Variants in IL3RA observed in about 807,000 individuals in gnomAD.
The protein encoded by IL3RA is interleukin-3 receptor subunit alpha.
A neutral mutation model predicts 52.3 loss-of-function variants in IL3RA; 73 were observed. The ratio of observed to expected loss-of-function variants is 1.40; its 90% CI spans 1.16 to 1.70. The LOEUF (loss-of-function observed/expected upper bound fraction) is 1.70, where lower values mean the gene tolerates loss of function less well. Among genes scored for constraint, IL3RA ranks in the 40% most tolerant of loss-of-function variants. IL3RA has a pLI of 0.00. For missense variants in IL3RA, 664 were observed against 504.4 expected (o/e 1.32, Z -3.03); for synonymous variants, 260 against 194.0 (o/e 1.34, Z -2.83).
intron 6 of IL3RA, among the ~76,000 whole-genome samples, chrX:1,355,656 G>GA (rs2086654411): frequency 1.4e-5 from 2 of 142,732 alleles, no homozygotes; most frequent in Admixed American, 7.0e-5. Context: ...CCTGGGGGGC[G>GA]GAGGTGGGGG....
intron 6 of IL3RA, among the ~76,000 whole-genome samples, chrX:1,354,256 C>A (rs1276357117): frequency 7.9e-4 from 120 of 152,304 alleles, no homozygotes; most frequent in Non-Finnish European, 1.3e-3. Context: ...TAACACCGCC[C>A]AACCAGGGGT....
chrX:1,348,644 CTCTTTCTTTCTTTCTTTCTTTCTT>C (rs762100895), intron 4 of IL3RA, 99 bp downstream of exon 4: 16 of 496,904 alleles, frequency 3.2e-5, no homozygotes, highest in African/African-American at 1.1e-4. Context: ...TTTTCTTTTT[CTCTTTCTTTCTTTCTTTCTTTCTT>C]TCTTTCTTTC....
intron 2 of IL3RA, among the ~76,000 whole-genome samples, chrX:1,344,171 C>A (rs770919833): frequency 5.9e-5 from 9 of 152,070 alleles, no homozygotes; most frequent in Admixed American, 5.3e-4. Flanking sequence ...CAGTAACTCA[C>A]GTCTGTGATC....
chrX:1,337,316 A>G, intron 1 of IL3RA, among the ~76,000 whole-genome samples: 1 of 152,202 alleles, frequency 6.6e-6, no homozygotes. Context: ...CAGTTAGTCA[A>G]TGAGCTCACG....
chrX:1,344,359 G>A (rs1364041039), intron 2 of IL3RA, among the ~76,000 whole-genome samples: 1 of 151,954 alleles, frequency 6.6e-6, no homozygotes, highest in East Asian at 1.9e-4. Context: ...GCTTGAACCC[G>A]GGAGGCGGAG....
intron 4 of IL3RA, among the ~76,000 whole-genome samples, chrX:1,350,738 A>G (rs1200343622): frequency 1.3e-5 from 2 of 149,360 alleles, no homozygotes; most frequent in African/African-American, 4.9e-5. Flanking sequence ...CATCTCTACT[A>G]AAAATACAAA....
At chrX:1,352,773 G>A (rs1470905602) in intron 6 of IL3RA, among the ~76,000 whole-genome samples, 2 of 152,162 alleles carry the variant, frequency 1.3e-5, no homozygotes, top group Non-Finnish European at 2.9e-5. Context: ...CTTGTTAGAA[G>A]GGCACTAACA....
chrX:1,347,597 C>T (rs1366572838), intron 3 of IL3RA, among the ~76,000 whole-genome samples: 2 of 151,226 alleles, frequency 1.3e-5, no homozygotes, highest in Admixed American at 6.6e-5. Context: ...CTAGCCTGGG[C>T]AAGCGGAGTG....
At chrX:1,365,340 G>A (rs1460414617) in intron 9 of IL3RA, 88 bp downstream of exon 9, 7 of 462,524 alleles carry the variant, frequency 1.5e-5, no homozygotes, top group Admixed American at 6.3e-5. Flanking sequence ...CGGGGTGCGC[G>A]GGGTGAGCGG....
At chrX:1,353,135 G>C (rs1326731400) in intron 6 of IL3RA, among the ~76,000 whole-genome samples, 1 of 145,906 alleles carries the variant, frequency 6.9e-6, no homozygotes, top group Non-Finnish European at 1.5e-5. Context: ...CCCATCATGG[G>C]TTCCACCATG....
chrX:1,337,851 CA>C (rs2085364747), intron 1 of IL3RA, among the ~76,000 whole-genome samples: 1 of 151,224 alleles, frequency 6.6e-6, no homozygotes, highest in Admixed American at 6.6e-5. Flanking sequence ...TCACAATAGC[CA>C]AGAGGTGGAG....
intron 8 of IL3RA, among the ~76,000 whole-genome samples, chrX:1,362,183 T>C (rs1456390748): frequency 2.0e-5 from 3 of 152,012 alleles, no homozygotes; most frequent in South Asian, 2.1e-4. Flanking sequence ...TTTGTATCTA[T>C]GTCTTTCTGT....
chrX:1,354,639 GGA>G (rs1287311236), intron 6 of IL3RA, among the ~76,000 whole-genome samples: 11 of 89,352 alleles, frequency 1.2e-4, no homozygotes, highest in African/African-American at 5.1e-4. Flanking sequence ...AAGAGGAGGG[GGA>G]GGAGGTGGAG....
intron 1 of IL3RA, 45 bp from the exon 2 acceptor site, chrX:1,341,683 G>A: frequency 6.5e-7 from 1 of 1,527,134 alleles, no homozygotes; most frequent in Non-Finnish European, 9.1e-7. Context: ...CCGCAACCCA[G>A]TTTCACAGCC....
intron 6 of IL3RA, among the ~76,000 whole-genome samples, chrX:1,354,783 A>C (rs1317065181): frequency 1.0e-5 from 1 of 97,774 alleles, no homozygotes; most frequent in Non-Finnish European, 2.0e-5. Context: ...AAGAAGAGGA[A>C]GAAAGGAGGA....
intron 8 of IL3RA, among the ~76,000 whole-genome samples, chrX:1,364,794 A>ATTAT (rs745342973): frequency 0.043 from 5,247 of 122,982 alleles, 202 homozygotes; most frequent in East Asian, 0.16. Context: ...TTCTTCTTTT[A>ATTAT]TTTATTTATT....
At chrX:1,343,654 G>C (rs746702095) in intron 2 of IL3RA, among the ~76,000 whole-genome samples, 1 of 125,944 alleles carries the variant, frequency 7.9e-6, no homozygotes, top group East Asian at 2.3e-4. Flanking sequence ...GTGACAGAGC[G>C]AGGCTCCATC....
At chrX:1,340,256 T>C (rs1274292243) in intron 1 of IL3RA, among the ~76,000 whole-genome samples, 3 of 151,886 alleles carry the variant, frequency 2.0e-5, no homozygotes, top group Non-Finnish European at 4.4e-5. Flanking sequence ...GCTGGGATTA[T>C]AGGCACACTC....
At chrX:1,343,297 A>G (rs2085566538) in intron 2 of IL3RA, among the ~76,000 whole-genome samples, 1 of 152,074 alleles carries the variant, frequency 6.6e-6, no homozygotes, top group South Asian at 2.1e-4. Flanking sequence ...TAAGTGGCCG[A>G]TCAGAGATAA....
Sources: gnomAD v4.1 joint callset for allele counts (sites outside exome capture counted in the v4.1 genomes callset) on GRCh38, gnomAD v4.1.1 for gene constraint, MANE v1.5 for transcripts, NCBI Gene and HGNC (gene_info 2026-07-23, HGNC 2026-07-21) for gene names.